The following CALN1 variants were observed in gnomAD, a reference collection of about 807,000 sequenced individuals.
The protein encoded by CALN1 is calneuron 1.
CALN1 carries 17 observed loss-of-function variants against 30.6 expected under a neutral mutation model. The observed-to-expected ratio is 0.56, with a 90% CI of 0.38 to 0.83. CALN1 has a LOEUF of 0.83. CALN1 is among the 40% of genes least tolerant of loss of function. The pLI is 0.00. For synonymous variants in CALN1, 156 were observed against 131.4 expected, an observed-to-expected ratio of 1.19 and a Z score of -1.28; for missense variants, 291 against 354.9, an observed-to-expected ratio of 0.82 and a Z score of 1.45.
At chr7:72,403,505 C>T (rs1349102029) in intron 1 of CALN1, 63 bp from the exon 2 acceptor site, 2 of 615,958 alleles carry the variant, frequency 3.2e-6, no homozygotes, top group African/African-American at 1.8e-5. Flanking sequence ...TTCTCAAAGC[C>T]TGCCGCCTAA....
At chr7:72,138,249 T>C (rs1322430408) in intron 3 of CALN1, among the ~76,000 whole-genome samples, 1 of 152,166 alleles carries the variant, frequency 6.6e-6, no homozygotes, top group African/African-American at 2.4e-5. Flanking sequence ...TATCATCAAA[T>C]GATGCTAATT....
At chr7:71,922,404 C>A (rs947802016) in intron 5 of CALN1, among the ~76,000 whole-genome samples, 1 of 149,922 alleles carries the variant, frequency 6.7e-6, no homozygotes, top group Non-Finnish European at 1.5e-5. Flanking sequence ...TAGTTAGTGA[C>A]AATTTAAAGT....
upstream of CALN1, among the ~76,000 whole-genome samples, chr7:72,450,909 A>G (rs953090213): frequency 1.3e-5 from 2 of 152,140 alleles, no homozygotes; most frequent in African/African-American, 4.8e-5. Context: ...CATGTGGGGC[A>G]GGAGCAGTGG....
At chr7:71,922,449 T>G (rs1202724590) in intron 5 of CALN1, among the ~76,000 whole-genome samples, 1 of 146,648 alleles carries the variant, frequency 6.8e-6, no homozygotes, top group Non-Finnish European at 1.5e-5. Flanking sequence ...ATAATTATAT[T>G]TATTTATATT....
chr7:71,997,453 A>G (rs1009321502), intron 5 of CALN1, among the ~76,000 whole-genome samples: 1 of 152,218 alleles, frequency 6.6e-6, no homozygotes, highest in African/African-American at 2.4e-5. Context: ...AAAAAATTCA[A>G]CGCTCATCAG....
chr7:72,289,703 A>G (rs1798341821), intron 2 of CALN1, among the ~76,000 whole-genome samples: 1 of 152,152 alleles, frequency 6.6e-6, no homozygotes, highest in Non-Finnish European at 1.5e-5. Context: ...ATAATAGTAA[A>G]ATGTAGCAAA....
intron 2 of CALN1, among the ~76,000 whole-genome samples, chr7:72,361,551 G>A (rs991017786): frequency 3.3e-5 from 5 of 152,096 alleles, no homozygotes; most frequent in Non-Finnish European, 5.9e-5. Context: ...TAACTCCAGA[G>A]ATTAATTTGT....
intron 6 of CALN1, among the ~76,000 whole-genome samples, chr7:71,793,906 A>G (rs1184267679): frequency 6.6e-6 from 1 of 152,132 alleles, no homozygotes; most frequent in African/African-American, 2.4e-5. Flanking sequence ...AAAAAGATCT[A>G]TCTTCTTGTG....
At chr7:71,914,044 G>A (rs1794564350) in intron 5 of CALN1, among the ~76,000 whole-genome samples, 2 of 152,138 alleles carry the variant, frequency 1.3e-5, no homozygotes, top group Non-Finnish European at 1.5e-5. Context: ...TTCTCCAAAA[G>A]CAAAGGTTTT....
chr7:72,062,524 A>G (rs1173043088), intron 4 of CALN1, among the ~76,000 whole-genome samples: 11 of 148,180 alleles, frequency 7.4e-5, no homozygotes, highest in East Asian at 1.9e-4. Flanking sequence ...AAAAAAAAAA[A>G]AAAAAAGAAA....
At chr7:71,888,990 T>G (rs11769248) in intron 5 of CALN1, among the ~76,000 whole-genome samples, 349 of 152,112 alleles carry the variant, frequency 2.3e-3, no homozygotes, top group African/African-American at 8.0e-3. Flanking sequence ...GGTGAGGAGA[T>G]CAGGAAAGGT....
intron 3 of CALN1, among the ~76,000 whole-genome samples, chr7:72,168,716 A>G (rs1169730876): frequency 6.6e-6 from 1 of 151,188 alleles, no homozygotes; most frequent in African/African-American, 2.4e-5. Flanking sequence ...ATGCCATACT[A>G]CCCTTCCTCT....
intron 3 of CALN1, among the ~76,000 whole-genome samples, chr7:72,267,084 A>G (rs1363851658): frequency 2.6e-5 from 4 of 152,194 alleles, no homozygotes; most frequent in African/African-American, 9.7e-5. Flanking sequence ...GCCATCAGAT[A>G]AGAGTTGTGA....
At chr7:71,839,475 T>G (rs1336235242) in intron 5 of CALN1, among the ~76,000 whole-genome samples, 1 of 152,176 alleles carries the variant, frequency 6.6e-6, no homozygotes, top group Non-Finnish European at 1.5e-5. Flanking sequence ...GCAGTTATAG[T>G]GAGCCGAGAT....
chr7:71,903,844 C>G (rs1315486221), intron 5 of CALN1, among the ~76,000 whole-genome samples: 1 of 151,936 alleles, frequency 6.6e-6, no homozygotes, highest in Non-Finnish European at 1.5e-5. Flanking sequence ...GAATTTAACT[C>G]CATTGGAAGA....
chr7:72,267,098 T>C (rs1427089173), intron 3 of CALN1, among the ~76,000 whole-genome samples: 2 of 152,188 alleles, frequency 1.3e-5, no homozygotes, highest in African/African-American at 4.8e-5. Flanking sequence ...GTTGTGAGCT[T>C]GTCTTCTTGT....
intron 5 of CALN1, among the ~76,000 whole-genome samples, chr7:71,934,697 C>T (rs776071749): frequency 6.6e-6 from 1 of 152,134 alleles, no homozygotes; most frequent in Non-Finnish European, 1.5e-5. Context: ...ACCTCCAACA[C>T]TGAGGGTTGT....
intron 1 of CALN1, among the ~76,000 whole-genome samples, chr7:72,411,162 A>C (rs548668576): frequency 6.6e-6 from 1 of 152,364 alleles, no homozygotes; most frequent in African/African-American, 2.4e-5. Flanking sequence ...ATTTGAAAAA[A>C]ACTATCAAAA....
intron 5 of CALN1, among the ~76,000 whole-genome samples, chr7:71,936,645 G>A (rs573503447): frequency 7.9e-4 from 120 of 152,154 alleles, no homozygotes; most frequent in African/African-American, 2.9e-3. Flanking sequence ...TTGTTTCTAA[G>A]GTATTCTTCC....
Sources: allele counts gnomAD v4.1 joint callset (sites outside exome capture counted in the v4.1 genomes callset), GRCh38; gene constraint gnomAD v4.1.1; transcripts MANE v1.5; gene names NCBI Gene and HGNC (gene_info 2026-07-23, HGNC 2026-07-21).